Variants in SCHIP1 observed in about 807,000 individuals in gnomAD.
The protein encoded by SCHIP1 is schwannomin-interacting protein 1.
In SCHIP1, 8 loss-of-function variants were observed where a neutral mutation model predicts 29.7. That is an observed-to-expected ratio of 0.27 (90% confidence interval 0.16 to 0.49). SCHIP1 has a LOEUF of 0.49. Ranked by LOEUF, SCHIP1 falls within the 20% of genes least tolerant of loss-of-function variation. SCHIP1 has a pLI of 0.99. For synonymous variants in SCHIP1, 76 were observed against 94.9 expected, an observed-to-expected ratio of 0.80 and a Z score of 1.16; for missense variants, 193 against 294.6, an observed-to-expected ratio of 0.66 and a Z score of 2.52.
At chr3:159,534,385 A>G in the SCHIP1 span, among the ~76,000 whole-genome samples, 1 of 152,204 alleles carries the variant, frequency 6.6e-6, no homozygotes, top group Non-Finnish European at 1.5e-5. Flanking sequence ...TATCGCAGAT[A>G]AAACCTGAAA....
At chr3:159,608,226 T>A in the SCHIP1 span, among the ~76,000 whole-genome samples, 1 of 152,212 alleles carries the variant, frequency 6.6e-6, no homozygotes, top group Non-Finnish European at 1.5e-5. Context: ...TTGCTAACTT[T>A]ATGGAATTAA....
chr3:159,889,129 T>G (rs1717242541), intron 5 of SCHIP1, among the ~76,000 whole-genome samples, 186 bp downstream of exon 6: 1 of 152,198 alleles, frequency 6.6e-6, no homozygotes, highest in South Asian at 2.1e-4. Context: ...TCAGAAGCTT[T>G]AAGAATTTTT....
chr3:159,570,161 G>A, the SCHIP1 span, among the ~76,000 whole-genome samples: 1 of 152,158 alleles, frequency 6.6e-6, no homozygotes, highest in African/African-American at 2.4e-5. Context: ...GATCCCATTT[G>A]TCTATTTTGG....
chr3:159,585,733 C>T, the SCHIP1 span, among the ~76,000 whole-genome samples: 2 of 152,108 alleles, frequency 1.3e-5, no homozygotes, highest in Non-Finnish European at 2.9e-5. Flanking sequence ...AGAGATAGAA[C>T]TTGAATTAGC....
chr3:159,691,546 T>G, the SCHIP1 span, among the ~76,000 whole-genome samples: 1 of 152,062 alleles, frequency 6.6e-6, no homozygotes, highest in South Asian at 2.1e-4. Flanking sequence ...GTCTTGACTC[T>G]TTTTTCAATT....
chr3:159,640,025 A>G, the SCHIP1 span, among the ~76,000 whole-genome samples: 1,229 of 152,310 alleles, frequency 8.1e-3, 40 homozygotes, highest in East Asian at 0.054. Context: ...CATTTAGTAC[A>G]AAGCAAGTAT....
the SCHIP1 span, among the ~76,000 whole-genome samples, chr3:159,792,706 A>C: frequency 4.7e-4 from 71 of 152,328 alleles, no homozygotes; most frequent in African/African-American, 1.6e-3. Context: ...GTCATTTATA[A>C]GGTTTTAACA....
chr3:159,424,534 G>A, the SCHIP1 span, among the ~76,000 whole-genome samples: 1 of 152,164 alleles, frequency 6.6e-6, no homozygotes, highest in African/African-American at 2.4e-5. Flanking sequence ...AGAAATATGG[G>A]ACTATGTGAA....
chr3:159,588,321 T>C, the SCHIP1 span, among the ~76,000 whole-genome samples: 3 of 152,180 alleles, frequency 2.0e-5, no homozygotes, highest in Non-Finnish European at 2.9e-5. Flanking sequence ...AGGTTGTTTT[T>C]TTTCTTGTAA....
chr3:159,892,517 A>G (rs1717644533), intron 6 of SCHIP1: 1 of 521,486 alleles, frequency 1.9e-6, no homozygotes, highest in African/African-American at 1.9e-5. Context: ...AAGCCATGTC[A>G]TGCTGGCATG....
At chr3:159,826,993 G>C in the SCHIP1 span, among the ~76,000 whole-genome samples, 2 of 152,126 alleles carry the variant, frequency 1.3e-5, no homozygotes, top group African/African-American at 4.8e-5. Context: ...ATAATTTCCT[G>C]ATCAGTACCT....
At chr3:159,274,563 AT>A in the SCHIP1 span, 1 of 805,036 alleles carries the variant, frequency 1.2e-6, no homozygotes, top group Admixed American at 6.3e-5. Context: ...AATAAAAAAA[AT>A]GGTTTCTTCA....
At chr3:159,502,709 G>A in the SCHIP1 span, among the ~76,000 whole-genome samples, 1 of 144,764 alleles carries the variant, frequency 6.9e-6, no homozygotes, top group Non-Finnish European at 1.5e-5. Flanking sequence ...TGTTCTCATT[G>A]TTCAGTTCCC....
At chr3:159,296,305 A>G in the SCHIP1 span, among the ~76,000 whole-genome samples, 1 of 152,182 alleles carries the variant, frequency 6.6e-6, no homozygotes, top group Admixed American at 6.5e-5. Flanking sequence ...GTACTTTCTT[A>G]TTTTAATATG....
the SCHIP1 span, among the ~76,000 whole-genome samples, chr3:159,470,781 G>A: frequency 3.3e-5 from 5 of 151,904 alleles, no homozygotes; most frequent in East Asian, 3.9e-4. Flanking sequence ...CACAAACTGC[G>A]ACTACTACTC....
chr3:159,751,180 G>T, the SCHIP1 span, among the ~76,000 whole-genome samples: 1 of 152,078 alleles, frequency 6.6e-6, no homozygotes, highest in Non-Finnish European at 1.5e-5. Flanking sequence ...TAGTCCAGGG[G>T]TCAGCATACT....
the SCHIP1 span, among the ~76,000 whole-genome samples, chr3:159,531,489 T>C: frequency 6.6e-6 from 1 of 152,234 alleles, no homozygotes; most frequent in Non-Finnish European, 1.5e-5. Context: ...TTTGTTTTCT[T>C]CATGAAACTT....
At chr3:159,281,417 T>C in the SCHIP1 span, among the ~76,000 whole-genome samples, 177 of 152,340 alleles carry the variant, frequency 1.2e-3, no homozygotes, top group African/African-American at 3.9e-3. Flanking sequence ...AAAACACATA[T>C]GCACATATAT....
At chr3:159,703,068 G>A in the SCHIP1 span, among the ~76,000 whole-genome samples, 3 of 152,128 alleles carry the variant, frequency 2.0e-5, no homozygotes, top group Non-Finnish European at 4.4e-5. Context: ...TAAAGGAGGA[G>A]GCTGTTATTT....
Sources: allele counts gnomAD v4.1 joint callset (sites outside exome capture counted in the v4.1 genomes callset), GRCh38; gene constraint gnomAD v4.1.1; transcripts MANE v1.5; gene names NCBI Gene and HGNC (gene_info 2026-07-23, HGNC 2026-07-21).